CTNND2: variants seen among roughly 807,000 people sequenced by gnomAD.
The protein encoded by CTNND2 is catenin delta-2.
A neutral mutation model predicts 144.4 loss-of-function variants in CTNND2; 22 were observed. The ratio of observed to expected loss-of-function variants is 0.15; its 90% CI spans 0.11 to 0.22. CTNND2 has a LOEUF of 0.22. Among genes scored for constraint, CTNND2 ranks in the 10% least tolerant of loss-of-function variants. The probability of loss-of-function intolerance (pLI) is 1.00; values close to 1 mark genes in which losing one functional copy is unlikely to be tolerated. For synonymous variants in CTNND2, 751 were observed against 695.6 expected (o/e 1.08, Z -1.25); for missense variants, 1,353 against 1,618.8 (o/e 0.84, Z 2.82).
chr5:11,472,144 T>C (rs1282779754), intron 3 of CTNND2, among the ~76,000 whole-genome samples: 2 of 152,202 alleles, frequency 1.3e-5, no homozygotes, highest in African/African-American at 2.4e-5. Context: ...TCCTATTTTT[T>C]AAATTTTTTG....
At position 11,732,194 on chromosome 5, in the gene CTNND2, T is replaced by C; in HGVS notation, c.116A>G (p.Asn39Ser). The C allele has an allele frequency of 1.9e-6, 3 of 1,613,966 alleles. No homozygotes were observed. The highest frequency in any genetic ancestry group is 1.7e-6 in the Non-Finnish European group (2 of 1,179,920). ...SSLSPGLNTS[N>S]GDGSETETTS... ...GGTTTCTGTTTCAGAGCCATCCCCG[T>C]TGGAGGTGTTTAAGCCGGGGCTCAG... is the stretch of plus-strand genomic sequence containing the variant. The change falls in exon 2 of 22, where the codon AAC becomes AGC. Residue 39 changes from asparagine (N) to serine (S), a missense_variant. By Grantham distance (46) the Asn-to-Ser change is conservative. This residue lies in a region of CTNND2 where 708 missense variants were observed against 706.4 expected (regional missense o/e 1.00). Transcript: ENST00000304623.
At chr5:11,507,954 G>A (rs376949572) in intron 3 of CTNND2, among the ~76,000 whole-genome samples, 53 of 151,340 alleles carry the variant, frequency 3.5e-4, no homozygotes, top group African/African-American at 1.0e-3. Flanking sequence ...AATAAGGCTC[G>A]TGTTGTGAGG....
At chr5:11,446,034 C>T (rs374410599) in intron 3 of CTNND2, among the ~76,000 whole-genome samples, 15 of 152,140 alleles carry the variant, frequency 9.9e-5, no homozygotes, top group Admixed American at 5.2e-4. Context: ...TGCAGTGGCG[C>T]GATCTTGGCT....
Position 11,641,578 on chromosome 5 carries a change from A to ATGTATATACATATACGTGTG in CTNND2, c.175-76542_175-76523dup, listed in dbSNP as rs1170253994. 1.6e-3 allele frequency among the ~76,000 whole-genome samples: 219 copies of ATGTATATACATATACGTGTG among 140,968 alleles called. 3 individuals carry two copies. Among genetic ancestry groups the ATGTATATACATATACGTGTG allele is most frequent in the Non-Finnish European group, 2.1e-3 (139 of 65,678 alleles). 92.5% of individuals were successfully genotyped at this position (140,968 alleles called of 152,430 possible). On this transcript the variant is annotated intron_variant, in intron 2 of 21. Coordinates refer to ENST00000304623, the MANE Select transcript of CTNND2 (RefSeq NM_001332.4). ...GATATGTACATACATATACGTGTGTATGTATATACATATACGTGTGTGTAT... is the reference window on the plus strand; with the variant it reads ...GATATGTACATACATATACGTGTGTATGTATATACATATACGTGTGTGTATATACATATACGTGTGTGTAT...
intron 7 of CTNND2, among the ~76,000 whole-genome samples, chr5:11,368,560 C>T (rs1757185117): frequency 6.6e-6 from 1 of 152,220 alleles, no homozygotes; most frequent in African/African-American, 2.4e-5. Context: ...ATCCTTGGCT[C>T]TCATTTCCAT....
chr5:11,562,051 A>C (rs1445420959), intron 3 of CTNND2, among the ~76,000 whole-genome samples: 1 of 152,092 alleles, frequency 6.6e-6, no homozygotes, highest in African/African-American at 2.4e-5. Flanking sequence ...TACATCTCAA[A>C]AAAAAAAGAG....
intron 1 of CTNND2, among the ~76,000 whole-genome samples, chr5:11,750,381 T>G (rs1370627403): frequency 1.3e-5 from 2 of 151,876 alleles, no homozygotes; most frequent in African/African-American, 4.8e-5. Context: ...AGAGGAGGTT[T>G]CATCTACCCA....
intron 8 of CTNND2, among the ~76,000 whole-genome samples, chr5:11,360,350 T>C (rs1003843844): frequency 2.0e-5 from 3 of 152,140 alleles, no homozygotes; most frequent in Non-Finnish European, 2.9e-5. Flanking sequence ...TGTGCAGTTA[T>C]CTCCCTGACT....
intron 3 of CTNND2, among the ~76,000 whole-genome samples, chr5:11,445,476 G>T (rs1187851617): frequency 6.6e-6 from 1 of 152,170 alleles, no homozygotes. Context: ...CCCTTCTCCT[G>T]CAACTGTGAG....
intron 3 of CTNND2, among the ~76,000 whole-genome samples, chr5:11,485,546 TTAG>T (rs1335205589): frequency 3.3e-5 from 5 of 152,204 alleles, no homozygotes; most frequent in Admixed American, 3.3e-4. Context: ...AAATAGCCTG[TTAG>T]TAGTACAGAT....
chr5:11,173,903 T>C (rs1282469819), intron 11 of CTNND2, among the ~76,000 whole-genome samples: 1 of 152,192 alleles, frequency 6.6e-6, no homozygotes, highest in Non-Finnish European at 1.5e-5. Flanking sequence ...AACACCATTC[T>C]GGAGGCATGC....
intron 9 of CTNND2, among the ~76,000 whole-genome samples, chr5:11,248,055 T>C (rs981862883): frequency 6.6e-6 from 1 of 152,206 alleles, no homozygotes; most frequent in African/African-American, 2.4e-5. Flanking sequence ...TAAAGCATGA[T>C]GACTTTATAG....
intron 11 of CTNND2, among the ~76,000 whole-genome samples, chr5:11,167,472 C>A (rs1759452661): frequency 1.3e-5 from 2 of 152,144 alleles, no homozygotes; most frequent in South Asian, 2.1e-4. Flanking sequence ...CTGGCTTAAA[C>A]TGACTAAATT....
chr5:11,500,250 T>C (rs1021767840), intron 3 of CTNND2, among the ~76,000 whole-genome samples: 1 of 152,170 alleles, frequency 6.6e-6, no homozygotes, highest in African/African-American at 2.4e-5. Flanking sequence ...TGAGACAATA[T>C]GCATGGGAGT....
In CTNND2 at chr5:11,039,627, G is replaced by C. The variant is rs1005056424; in HGVS notation, c.2789-16648C>G. Among the ~76,000 whole-genome samples the C allele has an allele frequency of 2.0e-5, 3 of 152,114 alleles. No individual in the cohort carries two copies. In the South Asian group the frequency reaches 6.2e-4, roughly 31 times the overall value. On this transcript the variant is annotated intron_variant, in intron 16 of 21. Transcript: ENST00000304623. Reference sequence around the variant, plus strand: ...AATTGATTAGAGATTTATTCAAATAGAAAAAGAGAGAGAGAAGGAATATTA... The same window carrying C: ...AATTGATTAGAGATTTATTCAAATACAAAAAGAGAGAGAGAAGGAATATTA...
chr5:11,368,805 A>G lies in CTNND2; in HGVS notation c.1178-3915T>C, dbSNP rs75231470. Among the ~76,000 whole-genome samples, 510 of 152,320 alleles carry G rather than the reference A, an allele frequency of 3.3e-3. 15 individuals are homozygous for G. The East Asian group carries it at 0.058, about 17-fold the overall frequency. ...TTGGATAAACCCAGGAAACACACCA[A>G]ACTCTTTGATCCCCAGTTTCCTCAA... is the stretch of plus-strand genomic sequence containing the variant. On this transcript the variant is annotated intron_variant, in intron 7 of 21. Transcript: ENST00000304623.
intron 5 of CTNND2, among the ~76,000 whole-genome samples, chr5:11,404,046 G>T (rs1760864746): frequency 6.6e-6 from 1 of 152,092 alleles, no homozygotes; most frequent in Non-Finnish European, 1.5e-5. Context: ...TATTTTATCT[G>T]GGTATATATG....
At chr5:11,201,012 G>GCTCT (rs34428561) in intron 10 of CTNND2, among the ~76,000 whole-genome samples, 74,309 of 151,726 alleles carry the variant, frequency 0.49, 18,788 homozygotes, top group African/African-American at 0.62. Context: ...CCCAAGTGCT[G>GCTCT]CTCTGTGAGG....
chr5:11,130,262 C>T (rs374654563), intron 12 of CTNND2, among the ~76,000 whole-genome samples: 15 of 152,034 alleles, frequency 9.9e-5, no homozygotes, highest in African/African-American at 1.7e-4. Flanking sequence ...ATACCACACC[C>T]CCCCCATCCA....
Sources: gnomAD v4.1 joint callset for allele counts (sites outside exome capture counted in the v4.1 genomes callset) on GRCh38, gnomAD v4.1.1 for gene constraint, gnomAD v4.1.1 regional missense constraint, MANE v1.5 for transcripts, NCBI Gene and HGNC (gene_info 2026-07-23, HGNC 2026-07-21) for gene names.